MARCHF1: variants seen among roughly 807,000 people sequenced by gnomAD.
MARCHF1 encodes E3 ubiquitin-protein ligase MARCHF1.
MARCHF1 carries 40 observed loss-of-function variants against 54.2 expected under a neutral mutation model. The observed-to-expected ratio is 0.74, with a 90% CI of 0.57 to 0.96. The LOEUF is 0.96. Among genes scored for constraint, MARCHF1 ranks in the 40% least tolerant of loss-of-function variants. The pLI is 0.00. For missense variants in MARCHF1, 586 were observed against 656.5 expected, an observed-to-expected ratio of 0.89 and a Z score of 1.17; for synonymous variants, 236 against 236.3, an observed-to-expected ratio of 1.00 and a Z score of 0.01.
At chr4:164,284,772 T>C (rs1200132629) in intron 1 of MARCHF1, among the ~76,000 whole-genome samples, 1 of 151,044 alleles carries the variant, frequency 6.6e-6, no homozygotes, top group African/African-American at 2.4e-5. Context: ...AACTATCTCT[T>C]TTTGACACAC....
intron 1 of MARCHF1, among the ~76,000 whole-genome samples, chr4:164,344,430 A>T (rs1730016898): frequency 2.0e-5 from 3 of 151,400 alleles, no homozygotes; most frequent in Admixed American, 2.0e-4. Context: ...GAAAATAAGA[A>T]TATGTGTGTT....
At chr4:164,256,328 G>T (rs922739749) in intron 1 of MARCHF1, among the ~76,000 whole-genome samples, 2 of 149,956 alleles carry the variant, frequency 1.3e-5, no homozygotes, top group Non-Finnish European at 3.0e-5. Context: ...CAAACCTCAG[G>T]AAATCTCCAA....
At chr4:164,181,756 T>G (rs565720419) in intron 1 of MARCHF1, among the ~76,000 whole-genome samples, 2 of 152,298 alleles carry the variant, frequency 1.3e-5, no homozygotes, top group Non-Finnish European at 2.9e-5. Flanking sequence ...AATAAAATTA[T>G]TCTTCCTTAG....
intron 2 of MARCHF1, among the ~76,000 whole-genome samples, chr4:164,081,207 C>CAAA (rs60753810): frequency 0.01 from 192 of 18,390 alleles, 33 homozygotes; most frequent in African/African-American, 0.031. Context: ...GACGCTGTCT[C>CAAA]AAAAAAAAAA....
chr4:163,916,139 T>C (rs995015015), intron 3 of MARCHF1, among the ~76,000 whole-genome samples: 4 of 152,174 alleles, frequency 2.6e-5, no homozygotes, highest in Non-Finnish European at 5.9e-5. Context: ...GGCAGGTTGA[T>C]CTGCGTCTCT....
chr4:163,869,477 G>C (rs1485891948), intron 3 of MARCHF1, among the ~76,000 whole-genome samples: 1 of 152,030 alleles, frequency 6.6e-6, no homozygotes, highest in African/African-American at 2.4e-5. Flanking sequence ...TTCCAGAACA[G>C]GTGTAAAATC....
chr4:163,767,040 C>A (rs191460132), intron 4 of MARCHF1, among the ~76,000 whole-genome samples: 3 of 147,548 alleles, frequency 2.0e-5, no homozygotes, highest in Admixed American at 1.4e-4. Flanking sequence ...ATTTAATTCC[C>A]ATAAAAATCT....
intron 2 of MARCHF1, among the ~76,000 whole-genome samples, chr4:164,045,489 G>C (rs1306244239): frequency 6.6e-6 from 1 of 150,566 alleles, no homozygotes; most frequent in Admixed American, 6.7e-5. Flanking sequence ...TCCAGCCTGG[G>C]TGGTGGAGTG....
intron 3 of MARCHF1, among the ~76,000 whole-genome samples, chr4:163,920,618 C>T (rs771611491): frequency 1.3e-4 from 20 of 152,110 alleles, no homozygotes; most frequent in Non-Finnish European, 1.0e-4. Flanking sequence ...AACTCCTGTG[C>T]GCTATGCTCT....
Position 164,372,590 on chromosome 4 carries a change from T to A in MARCHF1, c.-323+11280A>T, listed in dbSNP as rs574743010. On this transcript the variant is annotated intron_variant, in intron 1 of 9. Transcript: ENST00000514618. Reference sequence around the variant, plus strand: ...TACAGCTATAAACCATTGAAAAAAATCCACATTTGTTATTTTATCCTGTGT... The same window carrying A: ...TACAGCTATAAACCATTGAAAAAAAACCACATTTGTTATTTTATCCTGTGT... Among the ~76,000 whole-genome samples the A allele has an allele frequency of 2.6e-5, 4 of 152,212 alleles. No homozygotes were observed. In the South Asian group the frequency reaches 8.3e-4, roughly 32 times the overall value.
chr4:163,879,590 C>G (rs1196573014), intron 3 of MARCHF1, among the ~76,000 whole-genome samples: 2 of 151,974 alleles, frequency 1.3e-5, no homozygotes, highest in Non-Finnish European at 2.9e-5. Context: ...TATGTGTGCA[C>G]GTGCTTGTGT....
chr4:164,106,879 T>G (rs887733169), intron 2 of MARCHF1, among the ~76,000 whole-genome samples: 8 of 152,142 alleles, frequency 5.3e-5, no homozygotes, highest in Non-Finnish European at 7.4e-5. Flanking sequence ...CATAATCACT[T>G]TGGTTCCTGG....
intron 8 of MARCHF1, among the ~76,000 whole-genome samples, chr4:163,564,219 C>T (rs1214802061): frequency 6.6e-6 from 1 of 152,122 alleles, no homozygotes; most frequent in Non-Finnish European, 1.5e-5. Flanking sequence ...GAGGGTACAA[C>T]AAGAAAGGGC....
chr4:164,120,956 T>C (rs1234165945), intron 1 of MARCHF1, among the ~76,000 whole-genome samples: 1 of 151,600 alleles, frequency 6.6e-6, no homozygotes, highest in African/African-American at 2.4e-5. Flanking sequence ...CCAAAATTAG[T>C]AGAAGAAAAG....
chr4:163,721,133 T>G (rs887200866), intron 4 of MARCHF1, among the ~76,000 whole-genome samples: 3 of 152,200 alleles, frequency 2.0e-5, no homozygotes, highest in Admixed American at 2.0e-4. Flanking sequence ...GCTTCCAGTT[T>G]TTGCCCATTC....
intron 1 of MARCHF1, among the ~76,000 whole-genome samples, chr4:164,242,657 G>T (rs1235366785): frequency 6.6e-6 from 1 of 151,984 alleles, no homozygotes; most frequent in Non-Finnish European, 1.5e-5. Context: ...TGAGAAGAAG[G>T]TTTCAGATGA....
chr4:163,874,441 T>C (rs958125039), intron 3 of MARCHF1, among the ~76,000 whole-genome samples: 16 of 152,176 alleles, frequency 1.1e-4, no homozygotes, highest in Admixed American at 9.8e-4. Flanking sequence ...CCGAAGTGAC[T>C]GAGATTTGTA....
chr4:163,617,115 G>T (rs1378691440), intron 5 of MARCHF1, among the ~76,000 whole-genome samples: 1 of 152,144 alleles, frequency 6.6e-6, no homozygotes, highest in African/African-American at 2.4e-5. Flanking sequence ...CAACATAGAT[G>T]AGCCTGGGAG....
At chr4:163,809,499 T>C (rs1161493114) in intron 4 of MARCHF1, among the ~76,000 whole-genome samples, 1 of 152,168 alleles carries the variant, frequency 6.6e-6, no homozygotes, top group Non-Finnish European at 1.5e-5. Flanking sequence ...GGATTGAAAA[T>C]GTTAAATTGC....
Sources: allele counts gnomAD v4.1 joint callset (sites outside exome capture counted in the v4.1 genomes callset), GRCh38; gene constraint gnomAD v4.1.1; transcripts MANE v1.5; gene names NCBI Gene and HGNC (gene_info 2026-07-23, HGNC 2026-07-21).